CXADR: variants seen among roughly 807,000 people sequenced by gnomAD.
CXADR encodes CXADR cell adhesion molecule.
Under a neutral mutation model 40.3 loss-of-function variants are expected in CXADR, and 20 were observed. That is an observed-to-expected ratio of 0.50 (90% CI 0.35 to 0.72). CXADR has a LOEUF of 0.72. CXADR is among the 30% of genes least tolerant of loss of function. The pLI, the probability that CXADR is intolerant of heterozygous loss-of-function variation, is 0.01. For missense variants in CXADR, 332 were observed against 449.1 expected (o/e 0.74, Z 2.36); for synonymous variants, 150 against 161.3 (o/e 0.93, Z 0.53).
chr21:17,587,046 T>C (rs1274393700), intron 7 of CXADR, among the ~76,000 whole-genome samples: 2 of 152,200 alleles, frequency 1.3e-5, no homozygotes, highest in East Asian at 3.9e-4. Flanking sequence ...GCTTCATCCA[T>C]GTCCCTACAA....
the CXADR span, among the ~76,000 whole-genome samples, chr21:17,626,648 AATAAC>A: frequency 1.3e-5 from 2 of 152,222 alleles, no homozygotes; most frequent in East Asian, 3.9e-4. Flanking sequence ...ATGGCATAAA[AATAAC>A]ATAAATAATG....
At chr21:17,534,091 T>G (rs1321939151) in intron 1 of CXADR, among the ~76,000 whole-genome samples, 1 of 89,744 alleles carries the variant, frequency 1.1e-5, no homozygotes, top group African/African-American at 5.0e-5. Context: ...CATATATATA[T>G]ATATATATAT....
chr21:17,530,934 C>T (rs2060666323), intron 1 of CXADR, among the ~76,000 whole-genome samples: 1 of 152,222 alleles, frequency 6.6e-6, no homozygotes, highest in South Asian at 2.1e-4. Flanking sequence ...ATAAGTTTCA[C>T]TGTGGTTGAT....
At chr21:17,636,053 C>T in the CXADR span, among the ~76,000 whole-genome samples, 79 of 152,212 alleles carry the variant, frequency 5.2e-4, no homozygotes, top group African/African-American at 1.8e-3. Flanking sequence ...GTTTTGATGC[C>T]ACTGTACATG....
chr21:17,618,677 C>T, the CXADR span, among the ~76,000 whole-genome samples: 1 of 152,164 alleles, frequency 6.6e-6, no homozygotes, highest in East Asian at 1.9e-4. Context: ...GCTGGGATTA[C>T]AGGCATGCAC....
chr21:17,550,101 A>G (rs1932906695), intron 2 of CXADR, among the ~76,000 whole-genome samples: 1 of 152,180 alleles, frequency 6.6e-6, no homozygotes, highest in African/African-American at 2.4e-5. Flanking sequence ...TCATGCCTGT[A>G]GTCCCAGCAC....
At chr21:17,630,650 C>T in the CXADR span, among the ~76,000 whole-genome samples, 775 of 116,694 alleles carry the variant, frequency 6.6e-3, 13 homozygotes, top group East Asian at 0.066. Context: ...CTTCCTTCTT[C>T]TTTTTTTTTT....
the CXADR span, among the ~76,000 whole-genome samples, chr21:17,611,028 T>C: frequency 1.3e-5 from 2 of 151,884 alleles, no homozygotes; most frequent in African/African-American, 4.9e-5. Flanking sequence ...AAATTCACCT[T>C]CTACAGCCAG....
chr21:17,599,732 G>A, the CXADR span, among the ~76,000 whole-genome samples: 5,732 of 152,116 alleles, frequency 0.038, 328 homozygotes, highest in African/African-American at 0.13. Flanking sequence ...CACCCGCCTC[G>A]GCCTCCCAAA....
chr21:17,626,505 T>G, the CXADR span, among the ~76,000 whole-genome samples: 1 of 152,206 alleles, frequency 6.6e-6, no homozygotes, highest in African/African-American at 2.4e-5. Context: ...ATGAAAAGTT[T>G]CCCAAGGAAT....
chr21:17,537,522 T>G (rs2060774090), intron 1 of CXADR, among the ~76,000 whole-genome samples: 1 of 152,160 alleles, frequency 6.6e-6, no homozygotes, highest in Non-Finnish European at 1.5e-5. Flanking sequence ...GTTGCCTAAC[T>G]CATAATTCAT....
At chr21:17,611,261 C>G in the CXADR span, among the ~76,000 whole-genome samples, 1 of 152,166 alleles carries the variant, frequency 6.6e-6, no homozygotes, top group African/African-American at 2.4e-5. Context: ...AGCCTCCACT[C>G]CAGCAAAGCA....
chr21:17,608,514 G>C, the CXADR span, among the ~76,000 whole-genome samples: 243 of 151,478 alleles, frequency 1.6e-3, no homozygotes, highest in African/African-American at 5.4e-3. Context: ...TTGTATTAAC[G>C]ACATATCAGG....
intron 1 of CXADR, among the ~76,000 whole-genome samples, chr21:17,533,182 C>CA (rs1455972591): frequency 2.0e-5 from 3 of 152,116 alleles, no homozygotes; most frequent in Admixed American, 2.0e-4. Flanking sequence ...GCAACTTGTC[C>CA]AAAATCATAC....
chr21:17,589,406 CT>C (rs2061419255), intron 7 of CXADR, among the ~76,000 whole-genome samples: 3 of 152,032 alleles, frequency 2.0e-5, no homozygotes, highest in Admixed American at 1.3e-4. Context: ...GAGAAAGTGT[CT>C]TTTTACCCTC....
chr21:17,523,631 T>A (rs1241162449), intron 1 of CXADR, among the ~76,000 whole-genome samples: 1 of 152,154 alleles, frequency 6.6e-6, no homozygotes, highest in Non-Finnish European at 1.5e-5. Context: ...TCAGTTTATT[T>A]GGTGGCTAGC....
the CXADR span, chr21:17,613,744 G>T: frequency 0.16 from 24,374 of 152,102 alleles, 2,083 homozygotes; most frequent in Middle Eastern, 0.22. Flanking sequence ...AGAAAAGAAG[G>T]AACATCTTTT....
chr21:17,635,161 G>T, the CXADR span, among the ~76,000 whole-genome samples: 2 of 152,136 alleles, frequency 1.3e-5, no homozygotes, highest in Non-Finnish European at 2.9e-5. Flanking sequence ...ACCTCCTTTT[G>T]AAAATATCAA....
At chr21:17,629,297 T>C in the CXADR span, among the ~76,000 whole-genome samples, 1 of 150,998 alleles carries the variant, frequency 6.6e-6, no homozygotes, top group African/African-American at 2.4e-5. Context: ...GAAGGATCGC[T>C]TGAACCTGGG....
Sources: allele counts gnomAD v4.1 joint callset (sites outside exome capture counted in the v4.1 genomes callset), GRCh38; gene constraint gnomAD v4.1.1; transcripts MANE v1.5; gene names NCBI Gene and HGNC (gene_info 2026-07-23, HGNC 2026-07-21).